PLPP5: variants seen among roughly 807,000 people sequenced by gnomAD.
The protein encoded by PLPP5 is phospholipid phosphatase 5, also known as diacylglycerol pyrophosphate like 1.
PLPP5 carries 29 observed loss-of-function variants against 23.6 expected under a neutral mutation model. The ratio of observed to expected loss-of-function variants is 1.23; its 90% CI spans 0.92 to 1.68. The LOEUF is 1.68. PLPP5 is among the 40% of genes most tolerant of loss of function. The pLI, the probability that PLPP5 is intolerant of heterozygous loss-of-function variation, is 0.00. For synonymous variants in PLPP5, 143 were observed against 131.3 expected, an observed-to-expected ratio of 1.09 and a Z score of -0.61; for missense variants, 315 against 332.1, an observed-to-expected ratio of 0.95 and a Z score of 0.40.
chr8:38,265,051 G>C (rs767044880), intron 6 of PLPP5: 5 of 799,218 alleles, frequency 6.3e-6, no homozygotes, highest in Non-Finnish European at 1.1e-5. Context: ...GATGGATCCC[G>C]AGGTCAGGAG....
chr8:38,268,716 C>CTCAA (rs376893868), intron 2 of PLPP5, 166 bp downstream of exon 2: 5 of 1,433,432 alleles, frequency 3.5e-6, no homozygotes, highest in Admixed American at 2.9e-5. Context: ...ACCCTCCTCT[C>CTCAA]TCAATCAGGA....
In PLPP5 at chr8:38,263,866, CTG is replaced by C. The variant is rs1439408130; in HGVS notation, c.*576_*577del. 2 of 985,156 alleles carry C rather than the reference CTG, an allele frequency of 2.0e-6. No individual in the cohort carries two copies. Among genetic ancestry groups the C allele is most frequent in the African/African-American group, 1.7e-5 (1 of 57,218 alleles). 61.0% of individuals were successfully genotyped at this position (985,156 alleles called of 1,614,324 possible). Reference sequence around the variant, plus strand: ...GGCATTTAAATTAAATGTAAAAACACTGTAGATCTTCAGATATTAATCTGATA... The same window carrying C: ...GGCATTTAAATTAAATGTAAAAACACTAGATCTTCAGATATTAATCTGATA... On this transcript the variant is annotated 3_prime_UTR_variant, in exon 7 of 7. Coordinates refer to ENST00000424479, the MANE Select transcript of PLPP5 (RefSeq NM_001102559.2).
intron 2 of PLPP5, 53 bp downstream of exon 2, chr8:38,268,829 C>T: frequency 6.8e-7 from 1 of 1,475,208 alleles, no homozygotes; most frequent in Non-Finnish European, 9.0e-7. Context: ...GCACAGGTGC[C>T]CGCGGGAAGC....
At chr8:38,267,111 G>T in intron 5 of PLPP5, 156 bp downstream of exon 5, 1 of 1,499,788 alleles carries the variant, frequency 6.7e-7, no homozygotes. Context: ...AATAGTCAAG[G>T]CTCAGACTTG....
In PLPP5 at chr8:38,265,842, A is replaced by G. The variant is rs189729329; in HGVS notation, c.634+299T>C. Among the ~76,000 whole-genome samples, 191 of 152,360 alleles carry G rather than the reference A, an allele frequency of 1.3e-3. 1 individual carries two copies. Among genetic ancestry groups the G allele is most frequent in the African/African-American group, 4.2e-3 (176 of 41,588 alleles). The stretch of plus-strand genomic sequence containing the variant: ...GTTTTTGAACAAAAGTCCTATGACA[A>G]TGAACCTGATTTTTAAGAGAGTAAA... On this transcript the variant is annotated intron_variant, in intron 6 of 6. Transcript: ENST00000424479.
intron 5 of PLPP5, chr8:38,266,979 C>G: frequency 6.5e-6 from 8 of 1,222,516 alleles, no homozygotes; most frequent in Non-Finnish European, 8.5e-6. Flanking sequence ...CACATAGAAA[C>G]TCTTCGTTAA....
At chr8:38,267,166 A>G (rs1037482395) in intron 5 of PLPP5, 101 bp downstream of exon 5, 1 of 1,599,212 alleles carries the variant, frequency 6.3e-7, no homozygotes. Context: ...TCCAAATTGT[A>G]GAAACAAGAG....
In PLPP5 at chr8:38,266,300, C is replaced by A; in HGVS notation, c.475G>T (p.Gly159Cys). ...PSGHSSFAFA[G>C]LAFASFYLAG... Reference sequence around the variant, plus strand: ...AGGTAGAAGGACGCAAAGGCCAGACCAGCAAATGCAACTGGAACAAGAAAA... The same window carrying A: ...AGGTAGAAGGACGCAAAGGCCAGACAAGCAAATGCAACTGGAACAAGAAAA... Residue 159 changes from glycine (G) to cysteine (C), a missense_variant, in exon 6 of 7, where the codon GGT becomes TGT. Transcript: ENST00000424479. The A allele has an allele frequency of 1.2e-6, 2 of 1,612,284 alleles. No individual in the cohort carries two copies. The highest frequency in any genetic ancestry group is 1.7e-6 in the Non-Finnish European group (2 of 1,179,122).
intron 2 of PLPP5, 132 bp from the exon 3 acceptor site, chr8:38,268,593 G>GC (rs2130952183): frequency 6.9e-7 from 1 of 1,452,248 alleles, no homozygotes; most frequent in Non-Finnish European, 9.1e-7. Context: ...GTAACCGGGC[G>GC]CCAGGCAGCG....
chr8:38,268,081 A>C (rs1807961857), intron 3 of PLPP5, 121 bp from the exon 4 acceptor site: 1 of 1,521,636 alleles, frequency 6.6e-7, no homozygotes, highest in Admixed American at 2.2e-5. Flanking sequence ...GCCTGGGCAC[A>C]AAAATAATTA....
At chr8:38,268,493 C>T (rs1254256158) in intron 2 of PLPP5, 32 bp from the exon 3 acceptor site, 1 of 1,549,652 alleles carries the variant, frequency 6.5e-7, no homozygotes, top group East Asian at 2.4e-5. Flanking sequence ...TAAAAACAAT[C>T]CAAAAAAAAG....
rs980295658 is a variant in PLPP5, at chr8:38,264,835, G to A, written c.635-231C>T. On this transcript the variant is annotated intron_variant, in intron 6 of 6. Coordinates refer to ENST00000424479, the MANE Select transcript of PLPP5 (RefSeq NM_001102559.2). ...AACACCAAATCAAAACACATCTTAA[G>A]TAAGTATAATAAGCTTTGTTCAGAG... is the stretch of plus-strand genomic sequence containing the variant. 14 of 1,583,838 alleles carry A rather than the reference G, an allele frequency of 8.8e-6. No homozygotes were observed. In the African/African-American group the frequency reaches 1.2e-4, roughly 14 times the overall value.
rs1472921771 is a variant in PLPP5, at chr8:38,267,339, C to T, written c.391G>A (p.Asp131Asn). ...TCCTTATCCCCTGTACACATCAAGT[C>T]AGAATGGGCTAGCCCATCAGGGAAG... ...RCFPDGLAHSDLMCTGDKDVV... is the reference protein window; with the variant it reads ...RCFPDGLAHSNLMCTGDKDVV... The change falls in exon 5 of 7, where the codon GAC becomes AAC. Residue 131 changes from aspartate to asparagine, a missense_variant. Coordinates refer to ENST00000424479, the MANE Select transcript of PLPP5 (RefSeq NM_001102559.2). 6.2e-7 allele frequency: 1 copy of T among 1,613,924 alleles called. No homozygotes were observed. The highest frequency in any genetic ancestry group is 1.3e-5 in the African/African-American group (1 of 74,934).
At chr8:38,268,198 T>A (rs1340364568) in intron 3 of PLPP5, 173 bp downstream of exon 3, 3 of 1,109,978 alleles carry the variant, frequency 2.7e-6, no homozygotes, top group Non-Finnish European at 3.8e-6. Flanking sequence ...CTGCCTGCCG[T>A]GTAGCCTGCG....
In PLPP5 at chr8:38,266,481, A is replaced by G. The variant is rs1043073955; in HGVS notation, c.464-170T>C. 2.5e-5 allele frequency: 15 copies of G among 592,668 alleles called. No homozygotes were observed. The South Asian group carries it at 3.0e-4, about 12-fold the overall frequency. 36.7% of individuals were successfully genotyped at this position (592,668 alleles called of 1,614,324 possible). On this transcript the variant is annotated intron_variant, in intron 5 of 6. Transcript: ENST00000424479. ...AGTGGCACCATCTCGGCTCACTGCA[A>G]CCTCCACCACCCGGGTTCAAGCGAT...
chr8:38,267,598 A>ATGAT (rs1168862498), intron 4 of PLPP5: 4 of 659,510 alleles, frequency 6.1e-6, no homozygotes, highest in Non-Finnish European at 1.0e-5. Flanking sequence ...ATTCCAGCAC[A>ATGAT]TGATTACTTT....
Position 38,267,198 on chromosome 8 carries a change from A to G in PLPP5, c.463+69T>C, listed in dbSNP as rs769991653. The G allele has an allele frequency of 2.5e-6, 4 of 1,613,022 alleles. No individual in the cohort carries two copies. The African/African-American group carries it at 5.3e-5, about 22-fold the overall frequency. On this transcript the variant is annotated intron_variant, in intron 5 of 6. Transcript: ENST00000424479. ...AGAGTAGTCAGATTTTCCCATCCCT[A>G]CTAGCTTTCTAGGTTAAATTCAATG...
chr8:38,268,115 G>A, intron 3 of PLPP5, 155 bp from the exon 4 acceptor site: 3 of 1,455,968 alleles, frequency 2.1e-6, no homozygotes, highest in South Asian at 2.9e-5. Context: ...TCACTCTTTT[G>A]TAGCCGAGAA....
intron 4 of PLPP5, 136 bp from the exon 5 acceptor site, chr8:38,267,527 A>G: frequency 1.0e-6 from 1 of 1,000,786 alleles, no homozygotes; most frequent in Non-Finnish European, 1.4e-6. Context: ...GGCTTAGTAT[A>G]GTCACCACAC....
Sources: gnomAD v4.1 joint callset for allele counts (sites outside exome capture counted in the v4.1 genomes callset) on GRCh38, gnomAD v4.1.1 for gene constraint, MANE v1.5 for transcripts, NCBI Gene and HGNC (gene_info 2026-07-23, HGNC 2026-07-21) for gene names.